The following FOXN3 variants were observed in gnomAD, a reference collection of about 807,000 sequenced individuals.
FOXN3 encodes the protein forkhead box protein N3.
In FOXN3, 7 loss-of-function variants were observed where a neutral mutation model predicts 38.4. The observed-to-expected ratio is 0.18, with a 90% CI of 0.10 to 0.34. The LOEUF is 0.34. FOXN3 is among the 10% of genes least tolerant of loss of function. The pLI is 1.00. For missense variants in FOXN3, 456 were observed against 613.4 expected, an observed-to-expected ratio of 0.74 and a Z score of 2.71; for synonymous variants, 230 against 242.2, an observed-to-expected ratio of 0.95 and a Z score of 0.47.
intron 1 of FOXN3, among the ~76,000 whole-genome samples, chr14:89,578,944 C>T (rs1478725227): frequency 1.3e-5 from 2 of 152,122 alleles, no homozygotes; most frequent in African/African-American, 2.4e-5. Flanking sequence ...ACCTGCTGGG[C>T]CTAAGTGACC....
At chr14:89,439,889 C>T (rs1264476201) in intron 1 of FOXN3, among the ~76,000 whole-genome samples, 1 of 152,012 alleles carries the variant, frequency 6.6e-6, no homozygotes, top group South Asian at 2.1e-4. Flanking sequence ...CTCCTGACGT[C>T]GTGATCCACC....
At chr14:89,289,511 A>C (rs750258254) in intron 3 of FOXN3, among the ~76,000 whole-genome samples, 16 of 152,260 alleles carry the variant, frequency 1.1e-4, no homozygotes, top group Non-Finnish European at 2.1e-4. Context: ...GTTTCCTCCC[A>C]TCAATCTGTT....
chr14:89,357,608 C>CAA (rs920632343), intron 2 of FOXN3, among the ~76,000 whole-genome samples: 1 of 130,052 alleles, frequency 7.7e-6, no homozygotes, highest in East Asian at 2.2e-4. Context: ...AACTCCATCT[C>CAA]AAAAAAAAAA....
chr14:89,496,737 C>T (rs527887793), intron 1 of FOXN3, among the ~76,000 whole-genome samples: 2 of 152,274 alleles, frequency 1.3e-5, no homozygotes, highest in South Asian at 4.2e-4. Flanking sequence ...ACCATCACCA[C>T]CATCCATCTC....
intron 3 of FOXN3, among the ~76,000 whole-genome samples, chr14:89,286,880 A>C (rs1387173717): frequency 1.3e-5 from 2 of 152,072 alleles, no homozygotes; most frequent in South Asian, 2.1e-4. Flanking sequence ...TCTCGGGGAC[A>C]CTCTTGACAC....
chr14:89,278,995 G>C lies in FOXN3; in HGVS notation c.745+1955C>G, dbSNP rs1456183753. Among the ~76,000 whole-genome samples, 5 of 151,190 alleles carry C rather than the reference G, an allele frequency of 3.3e-5. No homozygotes were observed. In the East Asian group the frequency reaches 7.8e-4, roughly 23 times the overall value. ...CCATGGCCCAGAACCACCCACCAAA[G>C]GACACAAAAATATTAATTAGGAAGA... On this transcript the variant is annotated intron_variant, in intron 4 of 5. Coordinates refer to ENST00000557258, the MANE Select transcript of FOXN3 (RefSeq NM_005197.4).
At chr14:89,400,909 C>A (rs917794398) in intron 2 of FOXN3, among the ~76,000 whole-genome samples, 1 of 152,078 alleles carries the variant, frequency 6.6e-6, no homozygotes, top group Non-Finnish European at 1.5e-5. Context: ...CCTACCCTGT[C>A]CATGGAAGGA....
At chr14:89,464,864 A>AT (rs1892940694) in intron 1 of FOXN3, among the ~76,000 whole-genome samples, 1 of 151,948 alleles carries the variant, frequency 6.6e-6, no homozygotes, top group Non-Finnish European at 1.5e-5. Context: ...CGCCCGGCTA[A>AT]TTTTTGTACT....
At chr14:89,272,863 TAAAATAAAATA>T (rs995537267) in intron 4 of FOXN3, among the ~76,000 whole-genome samples, 21 of 152,186 alleles carry the variant, frequency 1.4e-4, no homozygotes, top group African/African-American at 4.8e-4. Flanking sequence ...AAAAAAAAAT[TAAAATAAAATA>T]AAAATAAAAT....
intron 3 of FOXN3, among the ~76,000 whole-genome samples, chr14:89,292,650 C>A (rs538234079): frequency 2.0e-5 from 3 of 152,150 alleles, no homozygotes; most frequent in Non-Finnish European, 4.4e-5. Flanking sequence ...GAGGGTACAG[C>A]GTTCAAGGCC....
rs534292041 is a variant in FOXN3 at position 89,158,014 on chromosome 14, C to T, written c.*4400G>A. On this transcript the variant is annotated 3_prime_UTR_variant, in exon 6 of 6. Coordinates refer to ENST00000557258, the MANE Select transcript of FOXN3 (RefSeq NM_005197.4). ...GCAGCTGTGATCCACCAGAAAGAAA[C>T]GAGTCCCAACCTGGATTAAAGGGAA... is the stretch of plus-strand genomic sequence containing the variant. The T allele has an allele frequency of 9.8e-5, 15 of 152,624 alleles. No individual in the cohort carries two copies. Among genetic ancestry groups the T allele is most frequent in the African/African-American group, 3.1e-4 (13 of 41,576 alleles). 9.5% of individuals were successfully genotyped at this position (152,624 alleles called of 1,614,324 possible).
intron 2 of FOXN3, among the ~76,000 whole-genome samples, chr14:89,411,605 G>C (rs571187932): frequency 1.3e-5 from 2 of 152,156 alleles, no homozygotes; most frequent in African/African-American, 4.8e-5. Flanking sequence ...TTGGAATACT[G>C]ACCTTTGTTA....
intron 4 of FOXN3, among the ~76,000 whole-genome samples, chr14:89,272,182 C>A (rs1459194840): frequency 6.6e-6 from 1 of 152,016 alleles, no homozygotes; most frequent in South Asian, 2.1e-4. Flanking sequence ...TGTGGTGGCA[C>A]GCGTCTCTAA....
chr14:89,267,090 G>GA (rs1261959918), intron 4 of FOXN3, among the ~76,000 whole-genome samples: 1 of 151,992 alleles, frequency 6.6e-6, no homozygotes, highest in African/African-American at 2.4e-5. Context: ...TTCCCTACAG[G>GA]AAAAAAGACA....
At chr14:89,506,038 G>C (rs570695457) in intron 1 of FOXN3, among the ~76,000 whole-genome samples, 23,430 of 131,762 alleles carry the variant, frequency 0.18, 4,700 homozygotes, top group African/African-American at 0.51. Flanking sequence ...GTCAGCCCCC[G>C]GCCCGGCCAG....
chr14:89,251,168 C>A (rs1397112670), intron 4 of FOXN3, among the ~76,000 whole-genome samples: 1 of 152,132 alleles, frequency 6.6e-6, no homozygotes, highest in Non-Finnish European at 1.5e-5. Context: ...GCCACTGGTG[C>A]CTTAGAAGGT....
At chr14:89,194,643 G>A (rs8009301) in intron 4 of FOXN3, among the ~76,000 whole-genome samples, 77,883 of 151,234 alleles carry the variant, frequency 0.51, 21,887 homozygotes, top group African/African-American at 0.76. Flanking sequence ...TATAATGCTT[G>A]CTCTTATCTA....
chr14:89,506,473 C>T (rs867610989), intron 1 of FOXN3, among the ~76,000 whole-genome samples: 10 of 144,708 alleles, frequency 6.9e-5, no homozygotes, highest in African/African-American at 2.1e-4. Flanking sequence ...GCCCCCCACC[C>T]GGCCAGCCGC....
chr14:89,292,010 T>C (rs1038544854), intron 3 of FOXN3, among the ~76,000 whole-genome samples: 2 of 151,960 alleles, frequency 1.3e-5, no homozygotes, highest in Non-Finnish European at 2.9e-5. Context: ...CTGGCCCCAA[T>C]CTCTCCACTC....
Sources: allele counts gnomAD v4.1 joint callset (sites outside exome capture counted in the v4.1 genomes callset), GRCh38; gene constraint gnomAD v4.1.1; transcripts MANE v1.5; gene names NCBI Gene and HGNC (gene_info 2026-07-23, HGNC 2026-07-21).